PPP6R3: variants seen among roughly 807,000 people sequenced by gnomAD.
The protein encoded by PPP6R3 is serine/threonine-protein phosphatase 6 regulatory subunit 3.
PPP6R3 carries 38 observed loss-of-function variants against 110.7 expected under a neutral mutation model. That is an observed-to-expected ratio of 0.34 (90% confidence interval 0.26 to 0.45). The LOEUF (loss-of-function observed/expected upper bound fraction) is 0.45, where lower values mean the gene tolerates loss of function less well. PPP6R3 is among the 20% of genes least tolerant of loss of function. The pLI, the probability that PPP6R3 is intolerant of heterozygous loss-of-function variation, is 1.00. For synonymous variants in PPP6R3, 369 were observed against 373.5 expected (o/e 0.99, Z 0.14); for missense variants, 870 against 1,062.4 (o/e 0.82, Z 2.52).
intron 2 of PPP6R3, among the ~76,000 whole-genome samples, chr11:68,525,855 A>T (rs2099194536): frequency 1.3e-5 from 2 of 152,206 alleles, no homozygotes; most frequent in Non-Finnish European, 2.9e-5. Context: ...GACCATTGTC[A>T]CTTACCTCAA....
In PPP6R3 at chr11:68,613,668, C is replaced by A. The variant is rs909879266; in HGVS notation, c.*551C>A. 1.6e-5 allele frequency: 16 copies of A among 984,550 alleles called. No homozygotes were observed. The highest frequency in any genetic ancestry group is 6.1e-5 in the Admixed American group (1 of 16,264). 61.0% of individuals were successfully genotyped at this position (984,550 alleles called of 1,614,324 possible). A position where few individuals can be genotyped will look rare whatever the true frequency, so the allele number is the denominator to read the frequency against. On this transcript the variant is annotated 3_prime_UTR_variant, in exon 24 of 24. Transcript: ENST00000393800. Reference sequence around the variant, plus strand: ...TTTTGAATAAGAAATATTTGGTGTTCTTTTTATAACCAGTTTTTGATTGGT... The same window carrying A: ...TTTTGAATAAGAAATATTTGGTGTTATTTTTATAACCAGTTTTTGATTGGT...
chr11:68,610,098 G>T, intron 23 of PPP6R3, 75 bp downstream of exon 23: 2 of 1,565,886 alleles, frequency 1.3e-6, no homozygotes, highest in Non-Finnish European at 1.7e-6. Context: ...GTTGGGAGGG[G>T]ACTATAGGGA....
At chr11:68,607,618 G>A (rs1402540576) in intron 22 of PPP6R3, among the ~76,000 whole-genome samples, 1 of 152,236 alleles carries the variant, frequency 6.6e-6, no homozygotes, top group Non-Finnish European at 1.5e-5. Flanking sequence ...TGAGGCCGGA[G>A]GCCAGAGTCT....
At position 68,527,907 on chromosome 11, in the gene PPP6R3, C is replaced by T. The variant is rs73521422; in HGVS notation, c.-7+8256C>T. On this transcript the variant is annotated intron_variant, in intron 2 of 23. Coordinates refer to ENST00000393800, the MANE Select transcript of PPP6R3 (RefSeq NM_001164161.2). ...TGCTTTCAGGGAGGCGTCGCCTGGC[C>T]TGGAATATGTTATGCAGCTCCATTC... is the stretch of plus-strand genomic sequence containing the variant. Among the ~76,000 whole-genome samples, 1,228 of 152,302 alleles carry T rather than the reference C, an allele frequency of 8.1e-3. 15 individuals carry two copies. The highest frequency in any genetic ancestry group is 0.029 in the African/African-American group (1,187 of 41,556).
rs1566243390 is a variant in PPP6R3 at position 68,613,112 on chromosome 11, G to C, written c.2617G>C (p.Val873Leu). 6.2e-7 allele frequency: 1 copy of C among 1,614,110 alleles called. No homozygotes were observed. The highest frequency in any genetic ancestry group is 1.7e-5 in the Admixed American group (1 of 60,020). ...AGGTGACACTTCAGTGAATGGCCCT[G>C]TATGACGGGTGACGTCTGCTGCTGC... ...APGDTSVNGPV is the reference protein window; with the variant it reads ...APGDTSVNGPL The change falls in exon 24 of 24, where the codon GTA becomes CTA. Residue 873 changes from valine to leucine, a missense_variant. Transcript: ENST00000393800.
chr11:68,569,722 T>C, intron 10 of PPP6R3, 26 bp from the exon 11 acceptor site: 1 of 1,545,340 alleles, frequency 6.5e-7, no homozygotes, highest in East Asian at 2.3e-5. Flanking sequence ...GGTAACCGAA[T>C]AAAACATGGT....
Position 68,609,959 on chromosome 11 carries a change from T to G in PPP6R3, c.2506T>G (p.Cys836Gly). ...TGCTGCTTGTAAAGACGCAGAGGAG[T>G]GTCCCGAGACTGCAGAGGCGAAGTG... ...QDAACKDAEECPETAEAKCAA... is the reference protein window; with the variant it reads ...QDAACKDAEEGPETAEAKCAA... Residue 836 changes from cysteine to glycine, a missense_variant, in exon 23 of 24, where the codon TGT becomes GGT. Transcript: ENST00000393800. 6.2e-7 allele frequency: 1 copy of G among 1,613,880 alleles called. No homozygotes were observed. Among genetic ancestry groups the G allele is most frequent in the Non-Finnish European group, 8.5e-7 (1 of 1,179,964 alleles).
chr11:68,609,515 C>T (rs1430604228), intron 22 of PPP6R3: 7 of 1,343,460 alleles, frequency 5.2e-6, no homozygotes, highest in South Asian at 2.5e-5. Flanking sequence ...TGCTTACGTG[C>T]AGTCGTGGAC....
At chr11:68,568,324 A>T (rs184411732) in intron 10 of PPP6R3, among the ~76,000 whole-genome samples, 2 of 152,298 alleles carry the variant, frequency 1.3e-5, no homozygotes, top group South Asian at 2.1e-4. Context: ...TAATAACAAT[A>T]TACAGTTATT....
intron 3 of PPP6R3, among the ~76,000 whole-genome samples, chr11:68,542,398 T>TTG (rs1346036684): frequency 4.5e-5 from 5 of 111,744 alleles, no homozygotes; most frequent in African/African-American, 1.7e-4. Context: ...TGTTTTTTTT[T>TTG]TTTTTTTTTT....
chr11:68,531,307 T>TTTTATTTATTTA (rs67798708), intron 2 of PPP6R3, among the ~76,000 whole-genome samples: 4,524 of 136,968 alleles, frequency 0.033, 96 homozygotes, highest in East Asian at 0.052. Flanking sequence ...TGAGACTGTG[T>TTTTATTTATTTA]TTTATTTATT....
chr11:68,537,551 G>T, intron 2 of PPP6R3, 108 bp from the exon 3 acceptor site: 1 of 714,214 alleles, frequency 1.4e-6, no homozygotes, highest in Non-Finnish European at 2.3e-6. Context: ...TTTAACTTAT[G>T]TGAGCCAAGT....
At chr11:68,496,587 C>T (rs2099017566) in intron 1 of PPP6R3, among the ~76,000 whole-genome samples, 1 of 151,662 alleles carries the variant, frequency 6.6e-6, no homozygotes, top group Admixed American at 6.6e-5. Context: ...ATTCTTGTGC[C>T]TCAGCCTCCT....
chr11:68,607,309 G>A (rs1405165539), intron 22 of PPP6R3, among the ~76,000 whole-genome samples: 4 of 152,230 alleles, frequency 2.6e-5, no homozygotes, highest in Admixed American at 6.5e-5. Context: ...GTCCAAACAG[G>A]TACAGGTGTC....
chr11:68,509,366 T>A (rs886419688), intron 1 of PPP6R3, among the ~76,000 whole-genome samples: 2 of 152,176 alleles, frequency 1.3e-5, no homozygotes, highest in Non-Finnish European at 2.9e-5. Context: ...AAACCTTGGA[T>A]CTTGATTTCT....
intron 1 of PPP6R3, among the ~76,000 whole-genome samples, chr11:68,477,802 C>T (rs185866797): frequency 7.4e-6 from 1 of 135,900 alleles, no homozygotes; most frequent in East Asian, 2.2e-4. Context: ...TTTTTTGGGA[C>T]ATAACCAACC....
rs190202454 is a variant in PPP6R3, at chr11:68,601,375, C to G, written c.2193-488C>G. Among the ~76,000 whole-genome samples the G allele has an allele frequency of 9.8e-5, 15 of 152,344 alleles. No homozygotes were observed. In the East Asian group the frequency reaches 2.9e-3, roughly 29 times the overall value. ...TGATCTCCCTCACCCCTACCCCTTA[C>G]TGCTCAGGCATTTGGTGTTTTTTTA... On this transcript the variant is annotated intron_variant, in intron 20 of 23. Transcript: ENST00000393800.
chr11:68,575,181 G>A (rs1275366905), intron 13 of PPP6R3, among the ~76,000 whole-genome samples: 2 of 152,188 alleles, frequency 1.3e-5, no homozygotes, highest in Non-Finnish European at 2.9e-5. Context: ...TTTTAGATCA[G>A]ACTTTCCTTT....
intron 4 of PPP6R3, among the ~76,000 whole-genome samples, chr11:68,547,834 G>C (rs533151541): frequency 2.7e-5 from 4 of 146,344 alleles, no homozygotes; most frequent in Non-Finnish European, 6.1e-5. Flanking sequence ...CTGTTAAGTT[G>C]TATTTGTATT....
Sources: allele counts gnomAD v4.1 joint callset (sites outside exome capture counted in the v4.1 genomes callset), GRCh38; gene constraint gnomAD v4.1.1; transcripts MANE v1.5; gene names NCBI Gene and HGNC (gene_info 2026-07-23, HGNC 2026-07-21).